The following IDO2 variants were observed in gnomAD, a reference collection of about 807,000 sequenced individuals.
IDO2 encodes indoleamine 2,3-dioxygenase-like 1 protein.
In IDO2, 46 loss-of-function variants were observed where a neutral mutation model predicts 45.1. That is an observed-to-expected ratio of 1.02 (90% CI 0.80 to 1.30). The LOEUF is 1.30. IDO2 is among the 50% of genes most tolerant of loss of function. IDO2 has a pLI of 0.00. For missense variants in IDO2, 544 were observed against 491.8 expected (o/e 1.11, Z -1.00); for synonymous variants, 218 against 184.9 (o/e 1.18, Z -1.45).
chr8:39,998,053 C>A, intron 8 of IDO2: 1 of 233,682 alleles, frequency 4.3e-6, no homozygotes, highest in Non-Finnish European at 8.9e-6. Flanking sequence ...TCTCCTTTCA[C>A]AGCCTTTCTG....
intron 8 of IDO2, among the ~76,000 whole-genome samples, chr8:40,001,783 T>A (rs760033169): frequency 2.0e-5 from 3 of 152,130 alleles, no homozygotes; most frequent in Non-Finnish European, 4.4e-5. Context: ...TCATAAGTCA[T>A]AAATACTTTT....
intron 8 of IDO2, among the ~76,000 whole-genome samples, chr8:40,003,749 C>A (rs1173661739): frequency 6.6e-6 from 1 of 151,912 alleles, no homozygotes; most frequent in African/African-American, 2.4e-5. Flanking sequence ...TTCTTATTCT[C>A]CTGGCTAGGA....
At chr8:39,994,620 G>A (rs1012215627) in intron 8 of IDO2, among the ~76,000 whole-genome samples, 1 of 152,004 alleles carries the variant, frequency 6.6e-6, no homozygotes, top group Admixed American at 6.6e-5. Context: ...GCCCAAATAT[G>A]CCCCAGTGGG....
At chr8:39,949,175 C>T in exon 2 of IDO2, 1 of 1,607,792 alleles carries the variant, frequency 6.2e-7, no homozygotes, top group Non-Finnish European at 8.5e-7. Context: ...AATGGAGCCC[C>T]ACAGACCGAA....
At chr8:39,955,447 G>T (rs1005998905) in intron 2 of IDO2, among the ~76,000 whole-genome samples, 10 of 151,576 alleles carry the variant, frequency 6.6e-5, no homozygotes, top group African/African-American at 2.2e-4. Flanking sequence ...GTAGAGATGG[G>T]GTTTCACTAT....
intron 2 of IDO2, among the ~76,000 whole-genome samples, chr8:39,950,454 C>T (rs1387063728): frequency 6.6e-6 from 1 of 152,072 alleles, no homozygotes; most frequent in Non-Finnish European, 1.5e-5. Flanking sequence ...ATCCTTGAAC[C>T]CAGGAGGGGG....
chr8:39,938,202 G>A (rs1056411443), intron 1 of IDO2, among the ~76,000 whole-genome samples: 3 of 152,056 alleles, frequency 2.0e-5, no homozygotes, highest in African/African-American at 4.8e-5. Flanking sequence ...CAGCACTTTG[G>A]GAGGCTGAGG....
At chr8:40,007,182 A>G (rs112401470) in intron 9 of IDO2, among the ~76,000 whole-genome samples, 3 of 151,816 alleles carry the variant, frequency 2.0e-5, no homozygotes, top group African/African-American at 7.2e-5. Context: ...ATTAACTAGG[A>G]GACACCTGAA....
At chr8:39,952,625 A>G (rs952086426) in intron 2 of IDO2, among the ~76,000 whole-genome samples, 1 of 152,282 alleles carries the variant, frequency 6.6e-6, no homozygotes, top group Admixed American at 6.5e-5. Flanking sequence ...CTACGTGTGT[A>G]GAGGGGGCAT....
chr8:39,985,339 G>T, intron 5 of IDO2, 169 bp from the exon 6 acceptor site: 1 of 626,294 alleles, frequency 1.6e-6, no homozygotes, highest in Middle Eastern at 2.6e-4. Context: ...ACAACTTGCA[G>T]AATTCAAAGT....
chr8:39,960,902 C>T (rs2543042), intron 2 of IDO2, among the ~76,000 whole-genome samples: 55,350 of 152,000 alleles, frequency 0.36, 10,565 homozygotes, highest in East Asian at 0.58. Context: ...CCTGCCTCAG[C>T]CTCCCGAGTA....
At chr8:40,007,738 TA>T in intron 9 of IDO2, among the ~76,000 whole-genome samples, 1 of 152,290 alleles carries the variant, frequency 6.6e-6, no homozygotes, top group South Asian at 2.1e-4. Flanking sequence ...TTTAGCAGCT[TA>T]AAACAATATG....
chr8:39,992,838 G>T (rs958652291), intron 8 of IDO2, among the ~76,000 whole-genome samples: 1 of 152,080 alleles, frequency 6.6e-6, no homozygotes, highest in Admixed American at 6.5e-5. Flanking sequence ...TTCCAGGCAC[G>T]TAGAGCCCTT....
In IDO2 at chr8:39,982,358, GC is replaced by G. The variant is rs548970455; in HGVS notation, c.316-292del. ...GTTTATGTTTAATTGTTTTGGTAAT[GC>G]CTTTCTTTGCACAGTCAGTTTACAG... is the stretch of plus-strand genomic sequence containing the variant. On this transcript the variant is annotated intron_variant, in intron 4 of 10. Coordinates refer to ENST00000502986, the Ensembl canonical transcript of IDO2. 6.6e-5 allele frequency among the ~76,000 whole-genome samples: 10 copies of G among 151,942 alleles called. No individual in the cohort carries two copies. In the South Asian group the frequency reaches 2.1e-3, roughly 32 times the overall value.
At chr8:40,013,706 G>A (rs780663738) in exon 10 of IDO2, 1 of 1,604,824 alleles carries the variant, frequency 6.2e-7, no homozygotes, top group Non-Finnish European at 8.5e-7. Context: ...GTCATAGCAA[G>A]GAAAGTGGTA....
At chr8:39,957,366 T>C (rs966930412) in intron 2 of IDO2, among the ~76,000 whole-genome samples, 3 of 151,830 alleles carry the variant, frequency 2.0e-5, no homozygotes, top group African/African-American at 4.8e-5. Flanking sequence ...AATTCCAGCA[T>C]TTTGGGAGGC....
At chr8:39,935,428 GTTGTTGTTGTT>G (rs1563420923) in intron 1 of IDO2, among the ~76,000 whole-genome samples, 27 of 18,178 alleles carry the variant, frequency 1.5e-3, no homozygotes, top group African/African-American at 1.8e-3. Context: ...TTTTCTGGTT[GTTGTTGTTGTT>G]GTTGTTGTTG....
intron 2 of IDO2, among the ~76,000 whole-genome samples, chr8:39,957,414 C>T (rs1807921600): frequency 6.6e-6 from 1 of 152,042 alleles, no homozygotes; most frequent in Non-Finnish European, 1.5e-5. Context: ...GAGTTTGAGA[C>T]CAGCCTGGGC....
chr8:40,009,643 TC>T (rs1245731919), intron 9 of IDO2, among the ~76,000 whole-genome samples: 2 of 152,168 alleles, frequency 1.3e-5, no homozygotes, highest in Non-Finnish European at 2.9e-5. Context: ...AAACACAATT[TC>T]CCTTCCTCAG....
Sources: gnomAD v4.1 joint callset for allele counts (sites outside exome capture counted in the v4.1 genomes callset) on GRCh38, gnomAD v4.1.1 for gene constraint, MANE v1.5 for transcripts, NCBI Gene and HGNC (gene_info 2026-07-23, HGNC 2026-07-21) for gene names.